The following TMCO1 variants were observed in gnomAD, a reference collection of about 807,000 sequenced individuals.
TMCO1 encodes transmembrane and coiled-coil domains 1.
Under a neutral mutation model 29.3 loss-of-function variants are expected in TMCO1, and 29 were observed. The ratio of observed to expected loss-of-function variants is 0.99; its 90% CI spans 0.74 to 1.35. TMCO1 has a LOEUF of 1.35. TMCO1 is among the 40% of genes most tolerant of loss of function. The pLI is 0.00. For synonymous variants in TMCO1, 80 were observed against 77.1 expected (o/e 1.04, Z -0.20); for missense variants, 173 against 225.5 (o/e 0.77, Z 1.49).
chr1:165,744,138 G>GCTTGTTCCC (rs1304841143), intron 5 of TMCO1, among the ~76,000 whole-genome samples: 7 of 152,084 alleles, frequency 4.6e-5, no homozygotes, highest in African/African-American at 1.7e-4. Context: ...AGGAATAGAA[G>GCTTGTTCCC]CTTGTTATAA....
chr1:165,739,512 C>G (rs1030353487), intron 6 of TMCO1, among the ~76,000 whole-genome samples: 1 of 151,986 alleles, frequency 6.6e-6, no homozygotes, highest in Admixed American at 6.6e-5. Flanking sequence ...CTCAGACTCC[C>G]AAGTAGCTGG....
At chr1:165,735,401 C>T (rs1195009506) in intron 6 of TMCO1, among the ~76,000 whole-genome samples, 1 of 151,948 alleles carries the variant, frequency 6.6e-6, no homozygotes, top group Non-Finnish European at 1.5e-5. Flanking sequence ...CAAAAAGCTA[C>T]TGGAAAACCA....
intron 3 of TMCO1, among the ~76,000 whole-genome samples, chr1:165,758,174 C>T (rs1173105825): frequency 1.3e-5 from 2 of 152,144 alleles, no homozygotes; most frequent in Non-Finnish European, 2.9e-5. Context: ...ACACTCTCCT[C>T]TCAACTTCTG....
intron 6 of TMCO1, among the ~76,000 whole-genome samples, chr1:165,728,447 A>G (rs944038227): frequency 6.6e-6 from 1 of 151,968 alleles, no homozygotes; most frequent in African/African-American, 2.4e-5. Context: ...TAGTAGAGAC[A>G]GGGTTTCATC....
chr1:165,749,790 A>G (rs1651932038), intron 5 of TMCO1, among the ~76,000 whole-genome samples: 1 of 152,184 alleles, frequency 6.6e-6, no homozygotes, highest in African/African-American at 2.4e-5. Context: ...TTTTCCAAAA[A>G]AAGAGTTTAA....
intron 6 of TMCO1, among the ~76,000 whole-genome samples, chr1:165,730,915 T>C (rs1026656764): frequency 5.9e-5 from 9 of 151,738 alleles, no homozygotes; most frequent in African/African-American, 1.7e-4. Flanking sequence ...CTTTTTTTTT[T>C]TTTGAGACAG....
chr1:165,752,854 C>A (rs899557768), intron 4 of TMCO1, among the ~76,000 whole-genome samples: 1 of 152,072 alleles, frequency 6.6e-6, no homozygotes, highest in African/African-American at 2.4e-5. Context: ...GTAACCCACC[C>A]TTCACCTCCA....
downstream of TMCO1, chr1:165,726,615 G>C (rs1160272389): frequency 2.2e-6 from 1 of 457,152 alleles, no homozygotes; most frequent in African/African-American, 2.0e-5. Flanking sequence ...TTACCTTGTA[G>C]GGCTGTCTTG....
intron 2 of TMCO1, among the ~76,000 whole-genome samples, chr1:165,766,111 C>T (rs928348009): frequency 6.6e-6 from 1 of 152,166 alleles, no homozygotes; most frequent in Non-Finnish European, 1.5e-5. Flanking sequence ...TGCAGACAGA[C>T]TAGATGTGGG....
intron 5 of TMCO1, among the ~76,000 whole-genome samples, chr1:165,750,312 A>G (rs1651947933): frequency 6.6e-6 from 1 of 151,376 alleles, no homozygotes; most frequent in Non-Finnish European, 1.5e-5. Flanking sequence ...GGCCAAGGTG[A>G]GCAAATCACC....
chr1:165,729,662 A>C (rs979106205), intron 6 of TMCO1, among the ~76,000 whole-genome samples: 1 of 152,166 alleles, frequency 6.6e-6, no homozygotes, highest in Non-Finnish European at 1.5e-5. Context: ...AGAGATCCTG[A>C]TTATTCTTGC....
rs1571236557 is a variant in TMCO1, at chr1:165,768,474, A to C, written c.71-205T>G. On this transcript the variant is annotated intron_variant, in intron 1 of 6. Coordinates refer to ENST00000367881, the MANE Select transcript of TMCO1 (RefSeq NM_019026.6). ...AGGTGTCTCCACAAATACCCAAGTG[A>C]AATCTACCTGAGACCAAAGAAAACT... 5.2e-6 allele frequency: 8 copies of C among 1,541,850 alleles called. No individual in the cohort carries two copies. The East Asian group carries it at 2.0e-4, about 38-fold the overall frequency.
chr1:165,730,712 A>G (rs1222598148), intron 6 of TMCO1, among the ~76,000 whole-genome samples: 1 of 151,958 alleles, frequency 6.6e-6, no homozygotes, highest in Non-Finnish European at 1.5e-5. Flanking sequence ...TTCCCACCTC[A>G]GCCTCCCGAG....
At chr1:165,729,562 C>G (rs1004711620) in intron 6 of TMCO1, among the ~76,000 whole-genome samples, 4 of 151,934 alleles carry the variant, frequency 2.6e-5, no homozygotes, top group African/African-American at 9.7e-5. Context: ...TCAGGTGATC[C>G]GCCTGCCTCA....
At chr1:165,758,478 C>G (rs1452911087) in intron 3 of TMCO1, among the ~76,000 whole-genome samples, 1 of 151,822 alleles carries the variant, frequency 6.6e-6, no homozygotes, top group East Asian at 1.9e-4. Context: ...ATCGCTTGAA[C>G]CCGGGAGGCA....
chr1:165,750,148 C>T (rs926841870), intron 5 of TMCO1, among the ~76,000 whole-genome samples: 12 of 151,954 alleles, frequency 7.9e-5, no homozygotes, highest in African/African-American at 1.7e-4. Flanking sequence ...GTTTAACTCA[C>T]GAAATACTAG....
chr1:165,761,299 T>C lies in TMCO1; in HGVS notation c.149-1715A>G, dbSNP rs565408611. On this transcript the variant is annotated intron_variant, in intron 2 of 6. Transcript: ENST00000367881. Reference sequence around the variant, plus strand: ...CCTGTAATCCCAGCACTCTGGTAGGTTGAAGTGGGAAGACTGCTTGAGCCC... The same window carrying C: ...CCTGTAATCCCAGCACTCTGGTAGGCTGAAGTGGGAAGACTGCTTGAGCCC... Among the ~76,000 whole-genome samples the C allele has an allele frequency of 4.6e-5, 7 of 151,536 alleles. No homozygotes were observed. In the East Asian group the frequency reaches 5.9e-4, roughly 13 times the overall value.
chr1:165,735,473 A>G (rs1170687241), intron 6 of TMCO1, among the ~76,000 whole-genome samples: 1 of 151,902 alleles, frequency 6.6e-6, no homozygotes, highest in African/African-American at 2.4e-5. Flanking sequence ...AGGAGCCTCA[A>G]ATTTTGCATA....
In TMCO1 at chr1:165,727,509, C is replaced by A. The variant is rs559909961; in HGVS notation, c.*514G>T. On this transcript the variant is annotated 3_prime_UTR_variant, in exon 7 of 7. Transcript: ENST00000367881. Reference sequence around the variant, plus strand: ...ATGCTAAAACTTATATCTAGAAATACGGCAAAACAAAATGAAACAGATCTC... The same window carrying A: ...ATGCTAAAACTTATATCTAGAAATAAGGCAAAACAAAATGAAACAGATCTC... 1 of 453,342 alleles carries A rather than the reference C, an allele frequency of 2.2e-6. No homozygotes were observed. The highest frequency in any genetic ancestry group is 1.6e-5 in the South Asian group (1 of 64,436). 28.1% of individuals were successfully genotyped at this position (453,342 alleles called of 1,614,324 possible). A position where few individuals can be genotyped will look rare whatever the true frequency, so the allele number is the denominator to read the frequency against.
Sources: allele counts gnomAD v4.1 joint callset (sites outside exome capture counted in the v4.1 genomes callset), GRCh38; gene constraint gnomAD v4.1.1; transcripts MANE v1.5; gene names NCBI Gene and HGNC (gene_info 2026-07-23, HGNC 2026-07-21).